Variants in ATG10 observed in about 807,000 individuals in gnomAD.
ATG10 encodes autophagy related 10, also known as ubiquitin-like-conjugating enzyme ATG10.
Under a neutral mutation model 32.1 loss-of-function variants are expected in ATG10, and 30 were observed. The ratio of observed to expected loss-of-function variants is 0.94; its 90% CI spans 0.70 to 1.27. The LOEUF is 1.27. Ranked by LOEUF, ATG10 falls within the 50% of genes most tolerant of loss-of-function variation. The pLI, the probability that ATG10 is intolerant of heterozygous loss-of-function variation, is 0.00. For synonymous variants in ATG10, 87 were observed against 91.5 expected, an observed-to-expected ratio of 0.95 and a Z score of 0.28; for missense variants, 233 against 262.3, an observed-to-expected ratio of 0.89 and a Z score of 0.77.
intron 5 of ATG10, among the ~76,000 whole-genome samples, chr5:82,180,864 A>G (rs1351216732): frequency 1.3e-5 from 2 of 152,102 alleles, no homozygotes; most frequent in African/African-American, 4.8e-5. Context: ...GTGATATTTT[A>G]TATTTTAATT....
chr5:82,002,879 C>G (rs912370868), intron 2 of ATG10, among the ~76,000 whole-genome samples: 9 of 152,102 alleles, frequency 5.9e-5, no homozygotes, highest in Non-Finnish European at 8.8e-5. Flanking sequence ...ACACCAGACC[C>G]CTGTGACATG....
At chr5:82,056,152 A>G (rs1303163146) in intron 2 of ATG10, among the ~76,000 whole-genome samples, 1 of 152,174 alleles carries the variant, frequency 6.6e-6, no homozygotes, top group Non-Finnish European at 1.5e-5. Flanking sequence ...AAGATTGACA[A>G]TACAATAGAA....
intron 3 of ATG10, among the ~76,000 whole-genome samples, chr5:82,146,777 T>C (rs1163993966): frequency 6.6e-6 from 1 of 152,320 alleles, no homozygotes; most frequent in Non-Finnish European, 1.5e-5. Context: ...TTGTACTTCC[T>C]ATTTCTCTCT....
At chr5:82,163,859 G>A (rs1743464161) in intron 3 of ATG10, among the ~76,000 whole-genome samples, 2 of 152,138 alleles carry the variant, frequency 1.3e-5, no homozygotes, top group African/African-American at 4.8e-5. Flanking sequence ...CAATAATGAA[G>A]AAAACAGAAT....
At chr5:82,037,803 A>T (rs561332304) in intron 2 of ATG10, among the ~76,000 whole-genome samples, 1 of 152,102 alleles carries the variant, frequency 6.6e-6, no homozygotes. Flanking sequence ...TAATTCATTA[A>T]TGTAGTGATT....
intron 1 of ATG10, among the ~76,000 whole-genome samples, chr5:81,981,970 T>C (rs563705243): frequency 3.3e-5 from 5 of 152,358 alleles, no homozygotes; most frequent in Admixed American, 2.6e-4. Context: ...TCTTCTATCC[T>C]TCTAGTCTAA....
chr5:82,159,777 C>T (rs1743231906), intron 3 of ATG10, among the ~76,000 whole-genome samples: 1 of 152,066 alleles, frequency 6.6e-6, no homozygotes, highest in Non-Finnish European at 1.5e-5. Context: ...GTATTATTAG[C>T]ACCATGAGGT....
intron 5 of ATG10, among the ~76,000 whole-genome samples, chr5:82,251,283 T>C (rs780884969): frequency 6.6e-6 from 1 of 152,052 alleles, no homozygotes; most frequent in Non-Finnish European, 1.5e-5. Context: ...ACATAATTCA[T>C]CCCATCAACA....
At chr5:82,208,936 A>C (rs562864504) in intron 5 of ATG10, among the ~76,000 whole-genome samples, 3 of 152,264 alleles carry the variant, frequency 2.0e-5, no homozygotes, top group East Asian at 3.9e-4. Flanking sequence ...ATTCATATTC[A>C]TAAGAGAAAT....
intron 2 of ATG10, chr5:81,992,347 A>G (rs1761488932): frequency 6.6e-6 from 1 of 152,028 alleles, no homozygotes; most frequent in Non-Finnish European, 1.5e-5. Flanking sequence ...GGTCACTCAT[A>G]CAATCACTTT....
intron 4 of ATG10, 62 bp downstream of exon 4, chr5:82,164,599 A>G: frequency 6.8e-7 from 1 of 1,461,730 alleles, no homozygotes; most frequent in Non-Finnish European, 9.4e-7. Context: ...CAAAAAGCAT[A>G]TTTGGAAAAT....
chr5:82,164,622 G>GA (rs1194841636), intron 4 of ATG10, 85 bp downstream of exon 4: 42 of 1,328,286 alleles, frequency 3.2e-5, no homozygotes, highest in East Asian at 9.5e-5. Context: ...TTCTCCAGAG[G>GA]AAAAAAAATA....
At chr5:82,043,592 T>C (rs1202618981) in intron 2 of ATG10, among the ~76,000 whole-genome samples, 6 of 152,218 alleles carry the variant, frequency 3.9e-5, no homozygotes, top group Admixed American at 2.0e-4. Flanking sequence ...CCCTTTTAAA[T>C]ATAAGTTTTA....
chr5:82,188,290 G>C (rs1019208923), intron 5 of ATG10, among the ~76,000 whole-genome samples: 4 of 152,134 alleles, frequency 2.6e-5, no homozygotes, highest in Non-Finnish European at 4.4e-5. Flanking sequence ...TGGTTGAGCA[G>C]AATATTGCTT....
intron 1 of ATG10, among the ~76,000 whole-genome samples, chr5:81,980,876 C>T (rs1234086912): frequency 6.6e-6 from 1 of 152,156 alleles, no homozygotes; most frequent in African/African-American, 2.4e-5. Flanking sequence ...GGATCTGTTT[C>T]TCTGAAGGGA....
chr5:82,043,506 C>T (rs1273873995), intron 2 of ATG10, among the ~76,000 whole-genome samples: 2 of 152,236 alleles, frequency 1.3e-5, no homozygotes, highest in Non-Finnish European at 2.9e-5. Flanking sequence ...GGCTTGAATT[C>T]TTCCGTGGAA....
At chr5:82,045,042 T>C (rs1223166163) in intron 2 of ATG10, among the ~76,000 whole-genome samples, 1 of 152,208 alleles carries the variant, frequency 6.6e-6, no homozygotes, top group Non-Finnish European at 1.5e-5. Context: ...ATCCCTGTAG[T>C]GTGGCCTAGA....
chr5:82,190,968 G>C (rs12654038), intron 5 of ATG10, among the ~76,000 whole-genome samples: 1 of 152,136 alleles, frequency 6.6e-6, no homozygotes, highest in East Asian at 1.9e-4. Context: ...TAAATTCTTA[G>C]AAGTGGAATT....
chr5:82,159,462 T>C (rs1052681186), intron 3 of ATG10, among the ~76,000 whole-genome samples: 34 of 152,180 alleles, frequency 2.2e-4, no homozygotes, highest in Admixed American at 1.3e-4. Context: ...AAGATGAGCA[T>C]GTTGGACTAG....
Sources: allele counts gnomAD v4.1 joint callset (sites outside exome capture counted in the v4.1 genomes callset), GRCh38; gene constraint gnomAD v4.1.1; transcripts MANE v1.5; gene names NCBI Gene and HGNC (gene_info 2026-07-23, HGNC 2026-07-21).